ADAMTS3: variants seen among roughly 807,000 people sequenced by gnomAD.
The protein encoded by ADAMTS3 is ADAM metallopeptidase with thrombospondin type 1 motif 3.
Under a neutral mutation model 129.0 loss-of-function variants are expected in ADAMTS3, and 73 were observed. The ratio of observed to expected loss-of-function variants is 0.57; its 90% CI spans 0.47 to 0.69. The LOEUF (loss-of-function observed/expected upper bound fraction) is 0.69, where lower values mean the gene tolerates loss of function less well. Among genes scored for constraint, ADAMTS3 ranks in the 30% least tolerant of loss-of-function variants. The pLI is 0.00. For synonymous variants in ADAMTS3, 477 were observed against 510.8 expected, an observed-to-expected ratio of 0.93 and a Z score of 0.89; for missense variants, 1,457 against 1,514.5, an observed-to-expected ratio of 0.96 and a Z score of 0.63.
chr4:72,500,484 G>T (rs1031209015), intron 3 of ADAMTS3, among the ~76,000 whole-genome samples: 1 of 151,778 alleles, frequency 6.6e-6, no homozygotes, highest in Non-Finnish European at 1.5e-5. Context: ...TGCTTGTTCA[G>T]TTAAGTTCCC....
At position 72,384,986 on chromosome 4, in the gene ADAMTS3, C is replaced by G. The variant is rs573559740; in HGVS notation, c.661+29829G>C. Among the ~76,000 whole-genome samples, 22 of 152,026 alleles carry G rather than the reference C, an allele frequency of 1.4e-4. 1 individual carries two copies. In the South Asian group the frequency reaches 2.1e-3, roughly 14 times the overall value. ...GATCGAGACCATCCTGGCTAACACCCTGAAACCCCGTCTCTACTAAAAATA... is the reference window on the plus strand; with the variant it reads ...GATCGAGACCATCCTGGCTAACACCGTGAAACCCCGTCTCTACTAAAAATA... On this transcript the variant is annotated intron_variant, in intron 4 of 21. Coordinates refer to ENST00000286657, the MANE Select transcript of ADAMTS3 (RefSeq NM_014243.3).
intron 3 of ADAMTS3, among the ~76,000 whole-genome samples, chr4:72,537,345 T>C (rs1721207070): frequency 6.6e-6 from 1 of 152,222 alleles, no homozygotes; most frequent in Non-Finnish European, 1.5e-5. Context: ...CCCTCCATTG[T>C]TGCAAATCCC....
intron 5 of ADAMTS3, among the ~76,000 whole-genome samples, chr4:72,323,355 C>T (rs2109812002): frequency 6.6e-6 from 1 of 152,256 alleles, no homozygotes; most frequent in South Asian, 2.1e-4. Context: ...TATACTAGTG[C>T]AGTGTTAGAA....
intron 4 of ADAMTS3, among the ~76,000 whole-genome samples, chr4:72,411,595 CA>C (rs1332119485): frequency 6.6e-6 from 1 of 151,974 alleles, no homozygotes; most frequent in Non-Finnish European, 1.5e-5. Flanking sequence ...CCATCCCTAC[CA>C]CAAGAAATGT....
At chr4:72,553,329 G>A (rs1721688139) in intron 2 of ADAMTS3, among the ~76,000 whole-genome samples, 1 of 152,170 alleles carries the variant, frequency 6.6e-6, no homozygotes, top group African/African-American at 2.4e-5. Context: ...CAGACCTCCT[G>A]TAAGACATAC....
At position 72,324,579 on chromosome 4, in the gene ADAMTS3, A is replaced by G. The variant is rs559956486; in HGVS notation, c.862-1482T>C. Among the ~76,000 whole-genome samples, 25 of 152,302 alleles carry G rather than the reference A, an allele frequency of 1.6e-4. No homozygotes were observed. The South Asian group carries it at 5.2e-3, about 32-fold the overall frequency. On this transcript the variant is annotated intron_variant, in intron 5 of 21. Coordinates refer to ENST00000286657, the MANE Select transcript of ADAMTS3 (RefSeq NM_014243.3). ...CATTTATACATATATACACATGCACATGCACACACACATGTACTCACATAC... is the reference window on the plus strand; with the variant it reads ...CATTTATACATATATACACATGCACGTGCACACACACATGTACTCACATAC...
chr4:72,509,437 T>A (rs1720253470), intron 3 of ADAMTS3, among the ~76,000 whole-genome samples: 1 of 150,110 alleles, frequency 6.7e-6, no homozygotes, highest in African/African-American at 2.5e-5. Flanking sequence ...AAACAGACAT[T>A]ACAACAAATA....
chr4:72,419,643 C>T (rs1303709276), intron 3 of ADAMTS3, among the ~76,000 whole-genome samples: 2 of 152,138 alleles, frequency 1.3e-5, no homozygotes, highest in African/African-American at 4.8e-5. Context: ...CATCAGCTGT[C>T]GTTAGTATGA....
At position 72,283,358 on chromosome 4, in the gene ADAMTS3, C is replaced by T; in HGVS notation, c.3396G>A (p.Arg1132=). The T allele has an allele frequency of 6.2e-7, 1 of 1,613,588 alleles. No individual in the cohort carries two copies. Among genetic ancestry groups the T allele is most frequent in the Non-Finnish European group, 8.5e-7 (1 of 1,179,610 alleles). ...TCTTACTTCCTGCTTGCTGAGCACT[C>T]CTCTGGCGTAAATTAGCACCATCAG... is the stretch of plus-strand genomic sequence containing the variant. ...SKPDGANLRQ[R]SAQQAGSKTV... Residue 1132 remains arginine (R), a synonymous_variant, in exon 22 of 22, where the codon AGG becomes AGA. Transcript: ENST00000286657.
chr4:72,321,759 T>G (rs1719561230), intron 6 of ADAMTS3, among the ~76,000 whole-genome samples: 1 of 152,118 alleles, frequency 6.6e-6, no homozygotes, highest in Non-Finnish European at 1.5e-5. Context: ...TTATATTAAC[T>G]TTACACTAAA....
In ADAMTS3 at chr4:72,288,864, G is replaced by C; in HGVS notation, c.2936C>G (p.Ser979Ter). The C allele has an allele frequency of 6.2e-7, 1 of 1,604,120 alleles. No homozygotes were observed. Among genetic ancestry groups the C allele is most frequent in the Non-Finnish European group, 8.5e-7 (1 of 1,173,244 alleles). ...QWKTGPWSEC[S>*]VTCGEGTEVR... ...CTCCGTTCCTTCACCGCAGGTCACT[G>C]AACACTGCAGAGACAAAGGCTGTGG... Residue 979 changes from serine to a stop codon, truncating the protein, a stop_gained, in exon 21 of 22, where the codon TCA becomes TGA. Transcript: ENST00000286657. LOFTEE classifies it high-confidence loss of function.
intron 2 of ADAMTS3, among the ~76,000 whole-genome samples, chr4:72,553,337 TAC>T (rs1721688359): frequency 6.6e-6 from 1 of 152,114 alleles, no homozygotes; most frequent in Non-Finnish European, 1.5e-5. Context: ...CTGTAAGACA[TAC>T]ACAGAGCCCT....
chr4:72,485,109 T>C (rs1482874523), intron 3 of ADAMTS3, among the ~76,000 whole-genome samples: 2 of 152,182 alleles, frequency 1.3e-5, no homozygotes, highest in African/African-American at 4.8e-5. Context: ...CACAAGGTTT[T>C]CATTAAGCTT....
intron 4 of ADAMTS3, among the ~76,000 whole-genome samples, chr4:72,369,175 T>C (rs960971121): frequency 6.6e-6 from 1 of 152,194 alleles, no homozygotes; most frequent in African/African-American, 2.4e-5. Flanking sequence ...ATATAACTAA[T>C]CCTCATAAAA....
At chr4:72,398,414 A>G (rs1262029579) in intron 4 of ADAMTS3, among the ~76,000 whole-genome samples, 1 of 151,950 alleles carries the variant, frequency 6.6e-6, no homozygotes, top group Non-Finnish European at 1.5e-5. Context: ...AAAAATAAAT[A>G]AATAAATAAA....
chr4:72,533,620 T>C (rs1166953700), intron 3 of ADAMTS3, among the ~76,000 whole-genome samples: 1 of 151,950 alleles, frequency 6.6e-6, no homozygotes, highest in Admixed American at 6.6e-5. Context: ...TATGTATATA[T>C]ACATATATAT....
intron 4 of ADAMTS3, among the ~76,000 whole-genome samples, chr4:72,379,214 G>T: frequency 6.6e-6 from 1 of 151,954 alleles, no homozygotes; most frequent in East Asian, 1.9e-4. Context: ...GTACACCTAG[G>T]GATGGAGATC....
At chr4:72,562,440 C>T (rs1721925122) in intron 2 of ADAMTS3, among the ~76,000 whole-genome samples, 1 of 152,088 alleles carries the variant, frequency 6.6e-6, no homozygotes, top group Non-Finnish European at 1.5e-5. Flanking sequence ...GCAACATTCA[C>T]TATCATGGGA....
chr4:72,560,110 G>A (rs1721866677), intron 2 of ADAMTS3, among the ~76,000 whole-genome samples: 1 of 150,194 alleles, frequency 6.7e-6, no homozygotes, highest in Non-Finnish European at 1.5e-5. Flanking sequence ...AAGTGGTATT[G>A]GGAGAACTGG....
Sources: allele counts gnomAD v4.1 joint callset (sites outside exome capture counted in the v4.1 genomes callset), GRCh38; gene constraint gnomAD v4.1.1; transcripts MANE v1.5; gene names NCBI Gene and HGNC (gene_info 2026-07-23, HGNC 2026-07-21).